The following GPLD1 variants were observed in gnomAD, a reference collection of about 807,000 sequenced individuals.
The protein encoded by GPLD1 is glycosylphosphatidylinositol specific phospholipase D1.
Under a neutral mutation model 112.6 loss-of-function variants are expected in GPLD1, and 84 were observed. The observed-to-expected ratio is 0.75, with a 90% confidence interval of 0.63 to 0.89. The LOEUF is 0.89. Among genes scored for constraint, GPLD1 ranks in the 40% least tolerant of loss-of-function variants. The pLI is 0.00. For missense variants in GPLD1, 1,044 were observed against 1,051.5 expected, an observed-to-expected ratio of 0.99 and a Z score of 0.10; for synonymous variants, 386 against 403.8, an observed-to-expected ratio of 0.96 and a Z score of 0.53.
intron 7 of GPLD1, among the ~76,000 whole-genome samples, chr6:24,469,149 G>A (rs1237722491): frequency 1.1e-4 from 17 of 152,000 alleles, no homozygotes; most frequent in Admixed American, 1.1e-3. Context: ...AGAGGATGTG[G>A]AGAAATAGGA....
At chr6:24,457,140 G>A (rs1168499569) in intron 12 of GPLD1, among the ~76,000 whole-genome samples, 1 of 152,140 alleles carries the variant, frequency 6.6e-6, no homozygotes, top group Admixed American at 6.6e-5. Context: ...CAAAGTGCTG[G>A]GATTACAGGC....
chr6:24,473,581 T>G (rs1468294851), intron 6 of GPLD1, 38 bp downstream of exon 6: 2 of 1,352,424 alleles, frequency 1.5e-6, no homozygotes, highest in Admixed American at 3.4e-5. Context: ...AAGTGAACTA[T>G]ACCACGAGAA....
At chr6:24,492,569 A>G (rs1486486038), upstream of GPLD1, among the ~76,000 whole-genome samples, 2 of 151,822 alleles carry the variant, frequency 1.3e-5, no homozygotes, top group Admixed American at 6.6e-5. Flanking sequence ...GAGAGGATGA[A>G]TAAGGGTGGG....
chr6:24,439,872 T>C (rs894811255), intron 20 of GPLD1, among the ~76,000 whole-genome samples: 1 of 152,236 alleles, frequency 6.6e-6, no homozygotes, highest in African/African-American at 2.4e-5. Flanking sequence ...CCTTCTGTAA[T>C]GCTTAAACCC....
At chr6:24,468,786 C>G (rs917433692) in intron 7 of GPLD1, among the ~76,000 whole-genome samples, 2 of 152,214 alleles carry the variant, frequency 1.3e-5, no homozygotes, top group African/African-American at 4.8e-5. Context: ...ACTGAGCTAA[C>G]TGGCCAACAG....
At chr6:24,456,425 A>G (rs1763271195) in intron 13 of GPLD1, 73 bp downstream of exon 13, 1 of 971,976 alleles carries the variant, frequency 1.0e-6, no homozygotes, top group African/African-American at 1.6e-5. Context: ...ATGAAATAAA[A>G]AACAGTTGCA....
chr6:24,458,647 G>A (rs1482994697), intron 12 of GPLD1, among the ~76,000 whole-genome samples: 1 of 152,190 alleles, frequency 6.6e-6, no homozygotes. Context: ...GGGAGGCCCA[G>A]GTGGGCGGAT....
chr6:24,430,249 C>G (rs1762360644), intron 24 of GPLD1, among the ~76,000 whole-genome samples: 1 of 152,234 alleles, frequency 6.6e-6, no homozygotes, highest in Non-Finnish European at 1.5e-5. Context: ...TTCGGCTTCA[C>G]TCTGTTTTGT....
rs1030680798 is a variant in GPLD1, at chr6:24,484,286, A to C, written c.153+1789T>G. On this transcript the variant is annotated intron_variant, in intron 2 of 24. Transcript: ENST00000230036. ...GAGTGCAGTGGTGTGATCTCAGCTC[A>C]CTTCAGCCTCTACCTCCCGGGTTCA... 2.0e-5 allele frequency among the ~76,000 whole-genome samples: 3 copies of C among 147,214 alleles called. No homozygotes were observed. The South Asian group carries it at 6.6e-4, about 32-fold the overall frequency.
intron 7 of GPLD1, among the ~76,000 whole-genome samples, chr6:24,472,110 A>G (rs1369290142): frequency 6.6e-6 from 1 of 152,210 alleles, no homozygotes; most frequent in African/African-American, 2.4e-5. Flanking sequence ...AGGATAAACA[A>G]CCCAACAGAA....
At chr6:24,484,480 T>G (rs1189479041) in intron 2 of GPLD1, among the ~76,000 whole-genome samples, 1 of 152,214 alleles carries the variant, frequency 6.6e-6, no homozygotes, top group Non-Finnish European at 1.5e-5. Flanking sequence ...CCTCCCAAAG[T>G]GCTGGGATCA....
chr6:24,424,187 C>T (rs1386839788), downstream of GPLD1: 2 of 151,574 alleles, frequency 1.3e-5, no homozygotes, highest in Non-Finnish European at 2.9e-5. Context: ...AAAAACCAAA[C>T]TTTGACATAA....
rs371952295 is a variant in GPLD1 at position 24,427,904 on chromosome 6, A to G, written c.*1128T>C. ...TTAGCAAACTAACACACGACCAGGAACAGAAAACCAAATACCAAGTATAGC... is the reference window on the plus strand; with the variant it reads ...TTAGCAAACTAACACACGACCAGGAGCAGAAAACCAAATACCAAGTATAGC... On this transcript the variant is annotated 3_prime_UTR_variant, in exon 25 of 25. Coordinates refer to ENST00000230036, the MANE Select transcript of GPLD1 (RefSeq NM_001503.4). Among the ~76,000 whole-genome samples, 14 of 151,638 alleles carry G rather than the reference A, an allele frequency of 9.2e-5. No homozygotes were observed. The highest frequency in any genetic ancestry group is 3.1e-4 in the African/African-American group (13 of 41,362).
In GPLD1 at chr6:24,489,285, C is replaced by A. The variant is rs140716189; in HGVS notation, c.97+130G>T. On this transcript the variant is annotated intron_variant, in intron 1 of 24. Transcript: ENST00000230036. The stretch of plus-strand genomic sequence containing the variant: ...TGCAATCACCGGCTTCTCCTCCCTG[C>A]TGTCAGGCCACTCAGCTCAGTGCCC... 3,091 of 662,442 alleles carry A rather than the reference C, an allele frequency of 4.7e-3. 11 individuals carry two copies. Among genetic ancestry groups the A allele is most frequent in the Non-Finnish European group, 6.6e-3 (2,492 of 377,690 alleles). 41.0% of individuals were successfully genotyped at this position (662,442 alleles called of 1,614,324 possible). A position where few individuals can be genotyped will look rare whatever the true frequency, so the allele number is the denominator to read the frequency against.
chr6:24,460,257 A>C, intron 12 of GPLD1, 22 bp downstream of exon 12: 2 of 1,613,350 alleles, frequency 1.2e-6, no homozygotes, highest in Non-Finnish European at 1.7e-6. Context: ...CTCTTTCTCA[A>C]CTTAGAGCAG....
chr6:24,430,644 G>A (rs532796442), intron 24 of GPLD1, among the ~76,000 whole-genome samples: 28 of 152,226 alleles, frequency 1.8e-4, no homozygotes, highest in African/African-American at 5.5e-4. Context: ...AGTTTGTTAC[G>A]ACTAATTTCA....
chr6:24,463,069 G>T (rs557046807), intron 10 of GPLD1, among the ~76,000 whole-genome samples: 2 of 152,088 alleles, frequency 1.3e-5, no homozygotes, highest in Non-Finnish European at 2.9e-5. Flanking sequence ...GCTGTTCCAC[G>T]CTAACACGAA....
chr6:24,488,411 CAA>C (rs11304420), intron 1 of GPLD1, among the ~76,000 whole-genome samples: 348 of 135,416 alleles, frequency 2.6e-3, no homozygotes, highest in African/African-American at 7.3e-3. Context: ...GACTCCGTCT[CAA>C]AAAAAAAAAA....
intron 7 of GPLD1, among the ~76,000 whole-genome samples, chr6:24,469,518 T>C (rs1353406338): frequency 6.8e-4 from 64 of 93,698 alleles, no homozygotes; most frequent in African/African-American, 2.5e-3. Flanking sequence ...CTCAGTAAAC[T>C]ATCGCAAGAA....
Sources: allele counts gnomAD v4.1 joint callset (sites outside exome capture counted in the v4.1 genomes callset), GRCh38; gene constraint gnomAD v4.1.1; transcripts MANE v1.5; gene names NCBI Gene and HGNC (gene_info 2026-07-23, HGNC 2026-07-21).